The following TAFA5 variants were observed in gnomAD, a reference collection of about 807,000 sequenced individuals.
TAFA5 encodes the protein chemokine-like protein TAFA-5.
In TAFA5, 6 loss-of-function variants were observed where a neutral mutation model predicts 15.3. That is an observed-to-expected ratio of 0.39 (90% CI 0.21 to 0.77). TAFA5 has a LOEUF of 0.77. Ranked by LOEUF, TAFA5 falls within the 30% of genes least tolerant of loss-of-function variation. The pLI, the probability that TAFA5 is intolerant of heterozygous loss-of-function variation, is 0.41. For synonymous variants in TAFA5, 103 were observed against 80.7 expected, an observed-to-expected ratio of 1.28 and a Z score of -1.48; for missense variants, 161 against 193.1, an observed-to-expected ratio of 0.83 and a Z score of 0.98.
At chr22:48,694,777 TCCCCCACCCCCCACCGCTCCAGACCTCCG>T (rs1569082589) in intron 2 of TAFA5, among the ~76,000 whole-genome samples, 4 of 104,108 alleles carry the variant, frequency 3.8e-5, no homozygotes, top group African/African-American at 7.6e-5. Flanking sequence ...TCAGACCTCC[TCCCCCACCCCCCACCGCTCCAGACCTCCG>T]CCCCCACCCG....
rs537820828 is a variant in TAFA5, at chr22:48,505,527, A to G, written c.112+15823A>G. Among the ~76,000 whole-genome samples, 343 of 152,294 alleles carry G rather than the reference A, an allele frequency of 2.3e-3. 2 individuals are homozygous for G. The highest frequency in any genetic ancestry group is 7.4e-3 in the African/African-American group (308 of 41,578). ...GATCTCCTCTGCTCTGAATCTTGCC[A>G]TTAAAAGGCCTACTGCCCCAAGGGG... On this transcript the variant is annotated intron_variant, in intron 1 of 3. Transcript: ENST00000402357.
intron 1 of TAFA5, among the ~76,000 whole-genome samples, chr22:48,592,755 GA>G (rs1215325435): frequency 5.3e-5 from 8 of 152,310 alleles, no homozygotes; most frequent in Middle Eastern, 3.4e-3. Context: ...CTAGAGCAAG[GA>G]AGCCCTGTGC....
intron 3 of TAFA5, among the ~76,000 whole-genome samples, chr22:48,734,573 GCCTGGCCCAAGCCTGGGC>G (rs373666390): frequency 2.0e-5 from 3 of 152,278 alleles, no homozygotes; most frequent in African/African-American, 7.2e-5. Context: ...GGGGCGGCCT[GCCTGGCCCAAGCCTGGGC>G]CCCACCACTG....
At position 48,544,637 on chromosome 22, in the gene TAFA5, C is replaced by G. The variant is rs984774856; in HGVS notation, c.112+54933C>G. On this transcript the variant is annotated intron_variant, in intron 1 of 3. Transcript: ENST00000402357. ...GGCTAGGTGCCTTGCATTTCCACCCCCCTTCTTAAGGCCTGATGTGCACTA... is the reference window on the plus strand; with the variant it reads ...GGCTAGGTGCCTTGCATTTCCACCCGCCTTCTTAAGGCCTGATGTGCACTA... 5.2e-5 allele frequency: 24 copies of G among 463,030 alleles called. No individual in the cohort carries two copies. In the Admixed American group the frequency reaches 5.7e-4, roughly 11 times the overall value. The allele number at this position is 463,030 out of a possible 1,614,324, so 28.7% of individuals were successfully genotyped here. A position where few individuals can be genotyped will look rare whatever the true frequency, so the allele number is the denominator to read the frequency against.
intron 1 of TAFA5, among the ~76,000 whole-genome samples, chr22:48,614,852 A>T (rs990891435): frequency 6.6e-6 from 1 of 152,030 alleles, no homozygotes; most frequent in Non-Finnish European, 1.5e-5. Flanking sequence ...TGGGGGTGGC[A>T]CTGGGGCTGG....
intron 1 of TAFA5, among the ~76,000 whole-genome samples, chr22:48,607,584 C>G (rs533664214): frequency 1.5e-5 from 2 of 134,680 alleles, no homozygotes; most frequent in East Asian, 4.5e-4. Context: ...GTACCTCAGC[C>G]TGGAGCAGAT....
intron 1 of TAFA5, among the ~76,000 whole-genome samples, chr22:48,502,935 A>G (rs1314736881): frequency 2.6e-5 from 4 of 152,152 alleles, no homozygotes. Flanking sequence ...AAATACCACC[A>G]ACGGGTCATA....
intron 1 of TAFA5, among the ~76,000 whole-genome samples, chr22:48,517,286 C>G (rs1921444956): frequency 1.3e-5 from 2 of 152,200 alleles, no homozygotes; most frequent in South Asian, 4.1e-4. Flanking sequence ...GACTCCAGGC[C>G]CAGCCAGCAC....
intron 1 of TAFA5, among the ~76,000 whole-genome samples, chr22:48,568,179 C>T (rs1320609381): frequency 6.6e-6 from 1 of 152,262 alleles, no homozygotes; most frequent in Non-Finnish European, 1.5e-5. Context: ...CCTCAGCCAT[C>T]CCAAGGCCCA....
chr22:48,700,132 G>T (rs889509872), intron 2 of TAFA5, among the ~76,000 whole-genome samples: 2 of 152,210 alleles, frequency 1.3e-5, no homozygotes, highest in African/African-American at 4.8e-5. Flanking sequence ...ACTTAAGACT[G>T]TGCTGGATTT....
chr22:48,617,362 G>GAACT (rs1202969450), intron 1 of TAFA5, among the ~76,000 whole-genome samples: 3 of 152,314 alleles, frequency 2.0e-5, no homozygotes, highest in East Asian at 3.9e-4. Context: ...GACCTTAGAA[G>GAACT]AAATCAGTGA....
chr22:48,529,301 G>A (rs796711006), intron 1 of TAFA5, among the ~76,000 whole-genome samples: 6 of 82,542 alleles, frequency 7.3e-5, no homozygotes, highest in Non-Finnish European at 1.1e-4. Flanking sequence ...GGGTGTCCAG[G>A]CAGGAGATGG....
Position 48,726,526 on chromosome 22 carries a change from G to A in TAFA5, c.390+18682G>A, listed in dbSNP as rs917294453. Among the ~76,000 whole-genome samples, 5 of 152,230 alleles carry A rather than the reference G, an allele frequency of 3.3e-5. No homozygotes were observed. In the East Asian group the frequency reaches 9.7e-4, roughly 30 times the overall value. On this transcript the variant is annotated intron_variant, in intron 3 of 3. Transcript: ENST00000402357. Reference sequence around the variant, plus strand: ...TACATACAGAAATAATCCAGTCGTGGTAGTCTGTACAGGAGAATCACTGGT... The same window carrying A: ...TACATACAGAAATAATCCAGTCGTGATAGTCTGTACAGGAGAATCACTGGT...
intron 3 of TAFA5, among the ~76,000 whole-genome samples, chr22:48,712,780 G>A (rs13053451): frequency 0.3 from 45,909 of 152,170 alleles, 7,211 homozygotes; most frequent in East Asian, 0.52. Context: ...CAGGCCTAGA[G>A]CTGCTGTCCG....
chr22:48,617,307 G>A (rs1001880207), intron 1 of TAFA5, among the ~76,000 whole-genome samples: 4 of 151,086 alleles, frequency 2.6e-5, no homozygotes, highest in East Asian at 3.9e-4. Context: ...GGGGTGTGGC[G>A]GCCTCTGGAA....
intron 1 of TAFA5, among the ~76,000 whole-genome samples, chr22:48,510,802 C>T (rs955547293): frequency 6.6e-6 from 1 of 152,256 alleles, no homozygotes; most frequent in African/African-American, 2.4e-5. Flanking sequence ...CTGAGGCCTG[C>T]GTTCCTGCTG....
intron 3 of TAFA5, among the ~76,000 whole-genome samples, chr22:48,739,842 C>T (rs1363803859): frequency 6.6e-6 from 1 of 152,114 alleles, no homozygotes; most frequent in Non-Finnish European, 1.5e-5. Flanking sequence ...CGTGCATTTG[C>T]CGTGCACAGC....
At chr22:48,546,100 G>A (rs566824804) in intron 1 of TAFA5, among the ~76,000 whole-genome samples, 32 of 152,294 alleles carry the variant, frequency 2.1e-4, no homozygotes, top group African/African-American at 6.0e-4. Flanking sequence ...CAACTTGGGC[G>A]GGCAGCCTGG....
At chr22:48,498,660 C>T (rs925472046) in intron 1 of TAFA5, among the ~76,000 whole-genome samples, 2 of 152,112 alleles carry the variant, frequency 1.3e-5, no homozygotes, top group Non-Finnish European at 2.9e-5. Flanking sequence ...CTGGGCCATG[C>T]TCTGTGGCAG....
Sources: allele counts gnomAD v4.1 joint callset (sites outside exome capture counted in the v4.1 genomes callset), GRCh38; gene constraint gnomAD v4.1.1; transcripts MANE v1.5; gene names NCBI Gene and HGNC (gene_info 2026-07-23, HGNC 2026-07-21).